PUM1: variants seen among roughly 807,000 people sequenced by gnomAD.
PUM1 encodes pumilio RNA binding family member 1.
In PUM1, 13 loss-of-function variants were observed where a neutral mutation model predicts 131.8. The observed-to-expected ratio is 0.10, with a 90% CI of 0.06 to 0.16. The LOEUF (loss-of-function observed/expected upper bound fraction) is 0.16. PUM1 is among the 10% of genes least tolerant of loss of function. The probability of loss-of-function intolerance (pLI) is 1.00; values close to 1 mark genes in which losing one functional copy is unlikely to be tolerated. For synonymous variants in PUM1, 509 were observed against 556.5 expected, an observed-to-expected ratio of 0.91 and a Z score of 1.20; for missense variants, 961 against 1,512.4, an observed-to-expected ratio of 0.64 and a Z score of 6.05.
intron 1 of PUM1, among the ~76,000 whole-genome samples, chr1:31,065,158 G>T (rs1377393398): frequency 6.6e-6 from 1 of 152,144 alleles, no homozygotes; most frequent in South Asian, 2.1e-4. Flanking sequence ...GCGATTTATT[G>T]TTCCTCCTCC....
intron 1 of PUM1, among the ~76,000 whole-genome samples, chr1:31,063,763 G>A (rs1644418028): frequency 6.6e-6 from 1 of 152,136 alleles, no homozygotes; most frequent in Admixed American, 6.6e-5. Flanking sequence ...CGAAACAATT[G>A]GCTTTTGTAA....
intron 1 of PUM1, among the ~76,000 whole-genome samples, chr1:31,060,214 A>G (rs908792575): frequency 3.3e-5 from 5 of 149,854 alleles, no homozygotes; most frequent in African/African-American, 1.2e-4. Flanking sequence ...TAATCCCAGC[A>G]CTTTGGGAGG....
chr1:31,017,700 G>A (rs1417924969), intron 3 of PUM1, among the ~76,000 whole-genome samples: 1 of 152,070 alleles, frequency 6.6e-6, no homozygotes, highest in Non-Finnish European at 1.5e-5. Flanking sequence ...AGAAATGAAA[G>A]CAAGTGGAGC....
At chr1:30,971,943 T>A (rs1353856809) in intron 10 of PUM1, among the ~76,000 whole-genome samples, 1 of 152,030 alleles carries the variant, frequency 6.6e-6, no homozygotes, top group Non-Finnish European at 1.5e-5. Context: ...TACAGACTTA[T>A]CCACAAAGAG....
intron 2 of PUM1, among the ~76,000 whole-genome samples, chr1:31,036,024 A>G (rs550443173): frequency 1.3e-5 from 2 of 152,194 alleles, no homozygotes; most frequent in African/African-American, 4.8e-5. Context: ...TACAGAAATT[A>G]CTTGTCCAAA....
At chr1:31,057,738 A>C (rs1034999654) in intron 2 of PUM1, among the ~76,000 whole-genome samples, 2 of 151,648 alleles carry the variant, frequency 1.3e-5, no homozygotes, top group Non-Finnish European at 2.9e-5. Context: ...AAAAAAAAAA[A>C]AAAAAAAAAC....
At chr1:30,989,596 A>AAAAAG (rs1641704750) in intron 7 of PUM1, among the ~76,000 whole-genome samples, 1 of 150,956 alleles carries the variant, frequency 6.6e-6, no homozygotes, top group Non-Finnish European at 1.5e-5. Context: ...AAAAAAAAAA[A>AAAAAG]AAAGAACCAC....
intron 18 of PUM1, among the ~76,000 whole-genome samples, chr1:30,943,805 G>C (rs1639559628): frequency 6.6e-6 from 1 of 152,198 alleles, no homozygotes; most frequent in South Asian, 2.1e-4. Flanking sequence ...CATAGCAACT[G>C]ATGGGTAAAT....
intron 3 of PUM1, among the ~76,000 whole-genome samples, chr1:31,019,076 GGTGT>G (rs1184256355): frequency 3.3e-5 from 5 of 152,190 alleles, no homozygotes; most frequent in Non-Finnish European, 5.9e-5. Context: ...AACCAGGTCG[GGTGT>G]GGTGGCTCAT....
At position 30,945,790 on chromosome 1, in the gene PUM1, A is replaced by G. The variant is rs528792982; in HGVS notation, c.2857-307T>C. 7.9e-5 allele frequency among the ~76,000 whole-genome samples: 12 copies of G among 152,274 alleles called. No individual in the cohort carries two copies. The East Asian group carries it at 2.1e-3, about 27-fold the overall frequency. On this transcript the variant is annotated intron_variant, in intron 17 of 21. Transcript: ENST00000426105. The stretch of plus-strand genomic sequence containing the variant: ...CTCTTAAGAGTGCTTTTGTGTTTTT[A>G]TTTTATTTTTTTTGAGACGGAGTCT...
In PUM1 at chr1:31,057,671, G is replaced by C. The variant is rs544662415; in HGVS notation, c.363+1533C>G. ...ACCTGGGAGGGGGAGGTTGCAGTGA[G>C]CCGAGATTGTGCCACTGCACTCCAG... On this transcript the variant is annotated intron_variant, in intron 2 of 21. Transcript: ENST00000426105. 3.6e-5 allele frequency among the ~76,000 whole-genome samples: 5 copies of C among 138,188 alleles called. No homozygotes were observed. In the East Asian group the frequency reaches 1.1e-3, roughly 30 times the overall value. The allele number at this position is 138,188 out of a possible 152,430, so 90.7% of individuals were successfully genotyped here.
At chr1:30,954,043 A>G (rs1640050805) in intron 14 of PUM1, 62 bp from the exon 15 acceptor site, 1 of 1,528,566 alleles carries the variant, frequency 6.5e-7, no homozygotes, top group African/African-American at 1.4e-5. Flanking sequence ...CAAGAGAGAA[A>G]AAAGCATTCC....
At chr1:30,951,118 T>C (rs780816551) in intron 16 of PUM1, among the ~76,000 whole-genome samples, 6 of 152,160 alleles carry the variant, frequency 3.9e-5, no homozygotes, top group Non-Finnish European at 7.3e-5. Flanking sequence ...CTTTATGAAT[T>C]CTCAGCCCAT....
intron 20 of PUM1, 101 bp downstream of exon 20, chr1:30,941,050 A>G (rs1201646286): frequency 8.6e-7 from 1 of 1,166,948 alleles, no homozygotes; most frequent in East Asian, 2.8e-5. Context: ...ATACTTTGAA[A>G]ACAACAACAA....
In PUM1 at chr1:30,968,379, T is replaced by C. The variant is rs758932012; in HGVS notation, c.1620A>G (p.Gly540=). The C allele has an allele frequency of 7.6e-6, 12 of 1,586,846 alleles. No individual in the cohort carries two copies. The African/African-American group carries it at 1.1e-4, about 14-fold the overall frequency. Residue 540 remains glycine (G), a synonymous_variant, in exon 11 of 22, where the codon GGA becomes GGG. Coordinates refer to ENST00000426105, the MANE Select transcript of PUM1 (RefSeq NM_001020658.2). ...CTGGCATGCCTGCTGCCAGACCTTG[T>C]CCAAATGCAAGGGCAGAATTCACTG... ...AAAVNSALAF[G]QGLAAGMPGY...
chr1:30,960,690 C>A (rs1212007840), intron 14 of PUM1, among the ~76,000 whole-genome samples: 3 of 152,036 alleles, frequency 2.0e-5, no homozygotes, highest in Non-Finnish European at 4.4e-5. Flanking sequence ...TTAACAGAAG[C>A]AGTGCAAGAC....
At chr1:31,007,601 A>T (rs1042219155) in intron 3 of PUM1, among the ~76,000 whole-genome samples, 2 of 152,244 alleles carry the variant, frequency 1.3e-5, no homozygotes. Flanking sequence ...TTATACACAG[A>T]GACTCCATTA....
At chr1:31,064,444 T>C (rs538307925) in intron 1 of PUM1, among the ~76,000 whole-genome samples, 1 of 152,272 alleles carries the variant, frequency 6.6e-6, no homozygotes, top group East Asian at 1.9e-4. Flanking sequence ...AAAATGTTTA[T>C]TTTGCTTACG....
intron 7 of PUM1, among the ~76,000 whole-genome samples, chr1:30,985,589 T>C (rs1641522342): frequency 6.8e-6 from 1 of 147,232 alleles, no homozygotes; most frequent in Non-Finnish European, 1.5e-5. Flanking sequence ...GAGGCGGAAG[T>C]TGAGGTGAGC....
Sources: allele counts gnomAD v4.1 joint callset (sites outside exome capture counted in the v4.1 genomes callset), GRCh38; gene constraint gnomAD v4.1.1; transcripts MANE v1.5; gene names NCBI Gene and HGNC (gene_info 2026-07-23, HGNC 2026-07-21).